SGCZ: variants seen among roughly 807,000 people sequenced by gnomAD.
SGCZ encodes zeta-sarcoglycan.
A neutral mutation model predicts 41.3 loss-of-function variants in SGCZ; 40 were observed. The observed-to-expected ratio is 0.97, with a 90% CI of 0.75 to 1.26. SGCZ has a LOEUF of 1.26. Among genes scored for constraint, SGCZ ranks in the 50% most tolerant of loss-of-function variants. The pLI is 0.00. For missense variants in SGCZ, 552 were observed against 369.8 expected (o/e 1.49, Z -4.04); for synonymous variants, 206 against 137.5 (o/e 1.50, Z -3.49).
intron 1 of SGCZ, among the ~76,000 whole-genome samples, chr8:14,607,456 TC>T (rs1805788377): frequency 6.6e-6 from 1 of 152,186 alleles, no homozygotes; most frequent in Admixed American, 6.5e-5. Context: ...CTAGTTCATA[TC>T]CTGAGTTAAA....
chr8:14,935,471 G>A (rs946539644), intron 1 of SGCZ, among the ~76,000 whole-genome samples: 1 of 151,814 alleles, frequency 6.6e-6, no homozygotes, highest in African/African-American at 2.4e-5. Context: ...AAAAAAGGTA[G>A]ATGTTAATGT....
rs751249608 is a variant in SGCZ, at chr8:14,418,977, C to T, written c.235-94773G>A. ...CCTGTATCTTCATGTTAACTATCTA[C>T]TAGCACTTTTGAATTCCCTTCATGA... is the stretch of plus-strand genomic sequence containing the variant. On this transcript the variant is annotated intron_variant, in intron 2 of 7. Coordinates refer to ENST00000382080, the MANE Select transcript of SGCZ (RefSeq NM_139167.4). Among the ~76,000 whole-genome samples the T allele has an allele frequency of 8.2e-4, 125 of 152,076 alleles. 2 individuals carry two copies. The highest frequency in any genetic ancestry group is 1.6e-3 in the Non-Finnish European group (108 of 67,888).
intron 1 of SGCZ, among the ~76,000 whole-genome samples, chr8:14,643,134 A>G (rs1052731658): frequency 6.6e-6 from 1 of 151,682 alleles, no homozygotes; most frequent in Admixed American, 6.6e-5. Context: ...ATTTTAAAAC[A>G]TGAATAGCAA....
intron 1 of SGCZ, among the ~76,000 whole-genome samples, chr8:15,172,997 G>C (rs918010517): frequency 1.3e-5 from 2 of 152,040 alleles, no homozygotes; most frequent in Non-Finnish European, 2.9e-5. Flanking sequence ...AACTTTTTTG[G>C]ATAACAATGT....
intron 1 of SGCZ, among the ~76,000 whole-genome samples, chr8:14,686,557 T>C (rs1808617172): frequency 6.6e-6 from 1 of 151,906 alleles, no homozygotes; most frequent in Non-Finnish European, 1.5e-5. Flanking sequence ...GGGAGGAGGA[T>C]AGAGATGGGA....
In SGCZ at chr8:14,726,311, C is replaced by CATATATATATATATAT. The variant is rs1202306930; in HGVS notation, c.40-171386_40-171385insATATATATATATATAT. Among the ~76,000 whole-genome samples, 974 of 107,288 alleles carry CATATATATATATATAT rather than the reference C, an allele frequency of 9.1e-3. 30 individuals carry two copies. The highest frequency in any genetic ancestry group is 0.013 in the Non-Finnish European group (690 of 53,696). 70.4% of individuals were successfully genotyped at this position (107,288 alleles called of 152,430 possible). A position where few individuals can be genotyped will look rare whatever the true frequency, so the allele number is the denominator to read the frequency against. ...GTGTGTGTGTGTATATGTGTAAATA[C>CATATATATATATATAT]ATATATATATATCTATATATATATA... On this transcript the variant is annotated intron_variant, in intron 1 of 7. Coordinates refer to ENST00000382080, the MANE Select transcript of SGCZ (RefSeq NM_139167.4).
chr8:14,678,384 T>C (rs765132422), intron 1 of SGCZ, among the ~76,000 whole-genome samples: 10 of 152,148 alleles, frequency 6.6e-5, no homozygotes, highest in African/African-American at 2.4e-4. Flanking sequence ...GACACCTTAA[T>C]AGACACTTCA....
At chr8:14,254,584 A>G (rs902016074) in intron 3 of SGCZ, among the ~76,000 whole-genome samples, 3 of 152,236 alleles carry the variant, frequency 2.0e-5, no homozygotes, top group Non-Finnish European at 4.4e-5. Context: ...AAATTGTTTC[A>G]TTTCCCATTA....
rs548570188 is a variant in SGCZ at position 14,735,700 on chromosome 8, C to T, written c.40-180774G>A. Reference sequence around the variant, plus strand: ...CAATTCTCCTTAATAAACTCCCTTTCGTATATACATCTGTCCTGTTACTTC... The same window carrying T: ...CAATTCTCCTTAATAAACTCCCTTTTGTATATACATCTGTCCTGTTACTTC... On this transcript the variant is annotated intron_variant, in intron 1 of 7. Coordinates refer to ENST00000382080, the MANE Select transcript of SGCZ (RefSeq NM_139167.4). Among the ~76,000 whole-genome samples, 6 of 152,252 alleles carry T rather than the reference C, an allele frequency of 3.9e-5. No individual in the cohort carries two copies. The South Asian group carries it at 8.3e-4, about 21-fold the overall frequency.
rs572128368 is a variant in SGCZ at position 14,755,221 on chromosome 8, G to C, written c.40-200295C>G. ...TCAGTATAATAGAATTCAAATTCTT[G>C]TTTGATTTTTTTAAAAAAAAACAGC... On this transcript the variant is annotated intron_variant, in intron 1 of 7. Transcript: ENST00000382080. Among the ~76,000 whole-genome samples, 31 of 151,716 alleles carry C rather than the reference G, an allele frequency of 2.0e-4. No individual in the cohort carries two copies. In the South Asian group the frequency reaches 6.0e-3, roughly 29 times the overall value.
rs558580778 is a variant in SGCZ at position 14,589,052 on chromosome 8, C to A, written c.40-34126G>T. ...TTTCACCCTTCCATCAATTGTGTGA[C>A]CTTTGTTCAATGTAGCACACTGATG... is the stretch of plus-strand genomic sequence containing the variant. On this transcript the variant is annotated intron_variant, in intron 1 of 7. Coordinates refer to ENST00000382080, the MANE Select transcript of SGCZ (RefSeq NM_139167.4). 2.0e-5 allele frequency among the ~76,000 whole-genome samples: 3 copies of A among 152,248 alleles called. No individual in the cohort carries two copies. The South Asian group carries it at 6.2e-4, about 32-fold the overall frequency.
At chr8:14,687,643 T>G (rs1024031583) in intron 1 of SGCZ, among the ~76,000 whole-genome samples, 1 of 151,878 alleles carries the variant, frequency 6.6e-6, no homozygotes, top group Non-Finnish European at 1.5e-5. Flanking sequence ...TGAATAGTGC[T>G]GCAATAAACA....
intron 6 of SGCZ, among the ~76,000 whole-genome samples, chr8:14,107,523 G>C (rs187672026): frequency 1.3e-5 from 2 of 152,044 alleles, no homozygotes; most frequent in Admixed American, 1.3e-4. Context: ...ATAATACTCC[G>C]TGGTCATTTA....
At chr8:14,147,082 C>T (rs1472002931) in intron 5 of SGCZ, among the ~76,000 whole-genome samples, 1 of 151,610 alleles carries the variant, frequency 6.6e-6, no homozygotes, top group Non-Finnish European at 1.5e-5. Flanking sequence ...TATTTGCAAG[C>T]CTCATGGTAA....
intron 4 of SGCZ, among the ~76,000 whole-genome samples, chr8:14,178,747 G>C (rs751841190): frequency 2.7e-4 from 41 of 152,144 alleles, no homozygotes; most frequent in Non-Finnish European, 1.6e-4. Flanking sequence ...CTAATGTCTA[G>C]GTTATCATGA....
intron 1 of SGCZ, among the ~76,000 whole-genome samples, chr8:14,848,290 G>A (rs984707243): frequency 6.6e-6 from 1 of 152,214 alleles, no homozygotes; most frequent in African/African-American, 2.4e-5. Context: ...CTCCCCAAAT[G>A]GGTCCATAGT....
intron 1 of SGCZ, among the ~76,000 whole-genome samples, chr8:14,900,719 T>C (rs543590550): frequency 2.2e-4 from 34 of 152,328 alleles, no homozygotes; most frequent in Non-Finnish European, 4.1e-4. Flanking sequence ...TTACGAAATC[T>C]GAAAGGTATT....
chr8:14,291,875 A>G lies in SGCZ; in HGVS notation c.336+32228T>C, dbSNP rs981801727. 2.6e-5 allele frequency among the ~76,000 whole-genome samples: 4 copies of G among 152,068 alleles called. No homozygotes were observed. The East Asian group carries it at 7.8e-4, about 30-fold the overall frequency. On this transcript the variant is annotated intron_variant, in intron 3 of 7. Coordinates refer to ENST00000382080, the MANE Select transcript of SGCZ (RefSeq NM_139167.4). ...CTTTGCTGGGCTTCTTCCACTTACC[A>G]AAAACAGAAATTTTACTCTATGATT...
intron 1 of SGCZ, among the ~76,000 whole-genome samples, chr8:14,827,931 G>A (rs201434690): frequency 6.6e-6 from 1 of 151,962 alleles, no homozygotes. Flanking sequence ...AATCATTCAT[G>A]GAAAATATGT....
Sources: gnomAD v4.1 joint callset for allele counts (sites outside exome capture counted in the v4.1 genomes callset) on GRCh38, gnomAD v4.1.1 for gene constraint, MANE v1.5 for transcripts, NCBI Gene and HGNC (gene_info 2026-07-23, HGNC 2026-07-21) for gene names.